Variants in ST8SIA2 observed in about 807,000 individuals in gnomAD.
The protein encoded by ST8SIA2 is alpha-2,8-sialyltransferase 8B.
ST8SIA2 carries 22 observed loss-of-function variants against 37.6 expected under a neutral mutation model. That is an observed-to-expected ratio of 0.58 (90% CI 0.42 to 0.83). The LOEUF is 0.83. Ranked by LOEUF, ST8SIA2 falls within the 40% of genes least tolerant of loss-of-function variation. The pLI, the probability that ST8SIA2 is intolerant of heterozygous loss-of-function variation, is 0.00. For missense variants in ST8SIA2, 382 were observed against 484.7 expected (o/e 0.79, Z 1.99); for synonymous variants, 205 against 201.2 (o/e 1.02, Z -0.16).
Position 92,429,506 on chromosome 15 carries a change from ATAC to A in ST8SIA2, c.99-540_99-538del, listed in dbSNP as rs540323678. On this transcript the variant is annotated intron_variant, in intron 1 of 5. Coordinates refer to ENST00000268164, the MANE Select transcript of ST8SIA2 (RefSeq NM_006011.4). ...CTTCCCAGTAGAGTGACACCACTTA[ATAC>A]TATTTCTTTTGCCACCAAAGAGCAA... Among the ~76,000 whole-genome samples, 17 of 152,322 alleles carry A rather than the reference ATAC, an allele frequency of 1.1e-4. No homozygotes were observed. In the South Asian group the frequency reaches 3.5e-3, roughly 32 times the overall value.
intron 5 of ST8SIA2, among the ~76,000 whole-genome samples, chr15:92,452,642 T>C (rs2049889856): frequency 6.6e-6 from 1 of 152,238 alleles, no homozygotes; most frequent in South Asian, 2.1e-4. Flanking sequence ...CACACTGTTC[T>C]GATGTTCCTT....
Position 92,393,935 on chromosome 15 carries a change from G to T in ST8SIA2, c.-130G>T, listed in dbSNP as rs1333778923. The stretch of plus-strand genomic sequence containing the variant: ...CGCTGCCGCTGCCGCCGCCGGCCCG[G>T]ACTCGTCCGGAGCGCAGGGTGTCTG... On this transcript the variant is annotated 5_prime_UTR_variant, in exon 1 of 6. Coordinates refer to ENST00000268164, the MANE Select transcript of ST8SIA2 (RefSeq NM_006011.4). 2 of 377,786 alleles carry T rather than the reference G, an allele frequency of 5.3e-6. No homozygotes were observed. The highest frequency in any genetic ancestry group is 7.7e-5 in the East Asian group (1 of 12,920). The allele number at this position is 377,786 out of a possible 1,614,324, so 23.4% of individuals were successfully genotyped here. A position where few individuals can be genotyped will look rare whatever the true frequency, so the allele number is the denominator to read the frequency against.
chr15:92,394,499 C>G (rs907280950), intron 1 of ST8SIA2, among the ~76,000 whole-genome samples: 2 of 152,150 alleles, frequency 1.3e-5, no homozygotes, highest in Non-Finnish European at 2.9e-5. Flanking sequence ...CGGGGAGTGT[C>G]TCGGGCGGGC....
At chr15:92,433,654 A>T (rs1324922933) in intron 2 of ST8SIA2, among the ~76,000 whole-genome samples, 2 of 152,218 alleles carry the variant, frequency 1.3e-5, no homozygotes, top group African/African-American at 4.8e-5. Context: ...ACCATTAGGG[A>T]ATATAAAATG....
At chr15:92,451,098 A>G (rs2141844204) in intron 5 of ST8SIA2, among the ~76,000 whole-genome samples, 1 of 152,320 alleles carries the variant, frequency 6.6e-6, no homozygotes, top group South Asian at 2.1e-4. Flanking sequence ...TGTTACCTTC[A>G]TTTTGCAAAA....
Position 92,464,648 on chromosome 15 carries a change from C to T in ST8SIA2, c.*263C>T. On this transcript the variant is annotated 3_prime_UTR_variant, in exon 6 of 6. Transcript: ENST00000268164. ...AGAACCCACCTGAACCAGATTGAGACTCAATCCATCTTTGGGGGTGGAAGG... is the reference window on the plus strand; with the variant it reads ...AGAACCCACCTGAACCAGATTGAGATTCAATCCATCTTTGGGGGTGGAAGG... 1 of 510,370 alleles carries T rather than the reference C, an allele frequency of 2.0e-6. No individual in the cohort carries two copies. The highest frequency in any genetic ancestry group is 3.5e-6 in the Non-Finnish European group (1 of 285,094). The allele number at this position is 510,370 out of a possible 1,614,324, so 31.6% of individuals were successfully genotyped here.
At position 92,467,577 on chromosome 15, in the gene ST8SIA2, T is replaced by A. The variant is rs2050001651; in HGVS notation, c.*3192T>A. The A allele has an allele frequency of 6.6e-6, 1 of 152,402 alleles. No individual in the cohort carries two copies. Among genetic ancestry groups the A allele is most frequent in the Admixed American group, 6.5e-5 (1 of 15,278 alleles). The allele number at this position is 152,402 out of a possible 1,614,324, so 9.4% of individuals were successfully genotyped here. A position where few individuals can be genotyped will look rare whatever the true frequency, so the allele number is the denominator to read the frequency against. The stretch of plus-strand genomic sequence containing the variant: ...TTCTTGTGTTTTTTTCCTCCTTCTT[T>A]CCCAATCCCTCTCAACCATGTATTT... On this transcript the variant is annotated 3_prime_UTR_variant, in exon 6 of 6. Coordinates refer to ENST00000268164, the MANE Select transcript of ST8SIA2 (RefSeq NM_006011.4).
chr15:92,406,729 C>T (rs1175060977), intron 1 of ST8SIA2, among the ~76,000 whole-genome samples: 5 of 152,292 alleles, frequency 3.3e-5, no homozygotes, highest in Admixed American at 3.3e-4. Flanking sequence ...GGCACAGTGG[C>T]TCATGCCTGT....
At chr15:92,461,394 A>G (rs2049956510) in intron 5 of ST8SIA2, among the ~76,000 whole-genome samples, 1 of 152,192 alleles carries the variant, frequency 6.6e-6, no homozygotes, top group Admixed American at 6.5e-5. Context: ...CCATTCTGAA[A>G]TAACCATCCA....
chr15:92,432,343 T>G (rs1407550191), intron 2 of ST8SIA2, among the ~76,000 whole-genome samples: 5 of 152,192 alleles, frequency 3.3e-5, no homozygotes, highest in Non-Finnish European at 7.4e-5. Context: ...AAGTTGGTGG[T>G]ATCAAAAGGA....
At position 92,468,724 on chromosome 15, in the gene ST8SIA2, C is replaced by A. The variant is rs2141859750; in HGVS notation, c.*4339C>A. 6.5e-6 allele frequency: 1 copy of A among 152,754 alleles called. No homozygotes were observed. The highest frequency in any genetic ancestry group is 2.4e-5 in the African/African-American group (1 of 41,576). The allele number at this position is 152,754 out of a possible 1,614,324, so 9.5% of individuals were successfully genotyped here. ...CAATAAATGTTTGTTGGATTAAATC[C>A]TTAATACCTGTAGAGGGCTTTATAC... On this transcript the variant is annotated 3_prime_UTR_variant, in exon 6 of 6. Transcript: ENST00000268164.
chr15:92,440,212 T>A (rs2049791272), intron 4 of ST8SIA2, among the ~76,000 whole-genome samples: 1 of 152,190 alleles, frequency 6.6e-6, no homozygotes, highest in African/African-American at 2.4e-5. Flanking sequence ...GGCCTCAGTT[T>A]TATCATCTGT....
chr15:92,445,408 G>C (rs1476257303), intron 5 of ST8SIA2, among the ~76,000 whole-genome samples: 3 of 152,354 alleles, frequency 2.0e-5, no homozygotes, highest in East Asian at 3.9e-4. Context: ...AAGACTAAAT[G>C]AGATAATGTA....
intron 1 of ST8SIA2, among the ~76,000 whole-genome samples, chr15:92,413,815 G>C (rs552591058): frequency 6.6e-6 from 1 of 152,222 alleles, no homozygotes; most frequent in African/African-American, 2.4e-5. Context: ...CTTTCTTGCA[G>C]TTTTCTATAA....
chr15:92,422,518 G>C (rs921745806), intron 1 of ST8SIA2: 10 of 152,274 alleles, frequency 6.6e-5, no homozygotes, highest in African/African-American at 2.4e-4. Flanking sequence ...TACTCAAGGT[G>C]AATCAGACAG....
At position 92,402,849 on chromosome 15, in the gene ST8SIA2, C is replaced by CAGAGAGAG. The variant is rs58104024; in HGVS notation, c.98+8703_98+8710dup. Among the ~76,000 whole-genome samples the CAGAGAGAG allele has an allele frequency of 2.7e-5, 4 of 149,522 alleles. No homozygotes were observed. In the South Asian group the frequency reaches 8.6e-4, roughly 32 times the overall value. The stretch of plus-strand genomic sequence containing the variant: ...GGCATTTGTTTGACCATCTCATTAC[C>CAGAGAGAG]AGAGAGAGAGAGAGAGAGAGAGACA... On this transcript the variant is annotated intron_variant, in intron 1 of 5. Coordinates refer to ENST00000268164, the MANE Select transcript of ST8SIA2 (RefSeq NM_006011.4).
At chr15:92,454,267 C>A (rs2049903229) in intron 5 of ST8SIA2, among the ~76,000 whole-genome samples, 1 of 152,068 alleles carries the variant, frequency 6.6e-6, no homozygotes, top group South Asian at 2.1e-4. Flanking sequence ...TTGCAGATCG[C>A]CATCTTCTTG....
At chr15:92,442,289 G>A (rs919505753) in intron 4 of ST8SIA2, among the ~76,000 whole-genome samples, 1 of 152,126 alleles carries the variant, frequency 6.6e-6, no homozygotes, top group African/African-American at 2.4e-5. Flanking sequence ...ACTGTGAGCC[G>A]AGTCCTATAC....
At position 92,444,708 on chromosome 15, in the gene ST8SIA2, C is replaced by A. The variant is rs2305561; in HGVS notation, c.621C>A (p.Pro207=). Residue 207 remains proline (P), a synonymous_variant, in exon 5 of 6, where the codon CCC becomes CCA. Coordinates refer to ENST00000268164, the MANE Select transcript of ST8SIA2 (RefSeq NM_006011.4). ...GLKTDLVTMN[P]SVIQRAFEDL... ...AGACAGACCTGGTAACCATGAACCC[C>A]TCGGTCATCCAGCGGGCCTTTGAGG... 3 of 1,614,038 alleles carry A rather than the reference C, an allele frequency of 1.9e-6. No homozygotes were observed. Among genetic ancestry groups the A allele is most frequent in the Non-Finnish European group, 2.5e-6 (3 of 1,180,030 alleles).
Sources: gnomAD v4.1 joint callset for allele counts (sites outside exome capture counted in the v4.1 genomes callset) on GRCh38, gnomAD v4.1.1 for gene constraint, MANE v1.5 for transcripts, NCBI Gene and HGNC (gene_info 2026-07-23, HGNC 2026-07-21) for gene names.